ZNF277: variants seen among roughly 807,000 people sequenced by gnomAD.
ZNF277 encodes the protein zinc finger protein 277.
ZNF277 carries 55 observed loss-of-function variants against 60.7 expected under a neutral mutation model. The ratio of observed to expected loss-of-function variants is 0.91; its 90% confidence interval spans 0.73 to 1.13. ZNF277 has a LOEUF of 1.13. Among genes scored for constraint, ZNF277 ranks in the 50% most tolerant of loss-of-function variants. The probability of loss-of-function intolerance (pLI) is 0.00; values close to 1 mark genes in which losing one functional copy is unlikely to be tolerated. For synonymous variants in ZNF277, 178 were observed against 179.3 expected (o/e 0.99, Z 0.06); for missense variants, 510 against 523.0 (o/e 0.98, Z 0.24).
chr7:112,290,782 G>GTATT (rs1792188877), intron 2 of ZNF277, among the ~76,000 whole-genome samples: 1 of 152,038 alleles, frequency 6.6e-6, no homozygotes, highest in Admixed American at 6.6e-5. Flanking sequence ...AACAATCCAG[G>GTATT]TATTGATTGT....
At chr7:112,264,238 G>T (rs1406391667) in intron 1 of ZNF277, among the ~76,000 whole-genome samples, 1 of 151,776 alleles carries the variant, frequency 6.6e-6, no homozygotes, top group Admixed American at 6.6e-5. Flanking sequence ...AAAACCCGTT[G>T]CCCTGGCCTA....
At chr7:112,213,476 A>T (rs1821807078) in intron 1 of ZNF277, among the ~76,000 whole-genome samples, 1 of 152,182 alleles carries the variant, frequency 6.6e-6, no homozygotes, top group Admixed American at 6.5e-5. Context: ...ATTAAAAGGG[A>T]TATAATAATG....
intron 4 of ZNF277, among the ~76,000 whole-genome samples, chr7:112,300,547 C>G (rs1792450873): frequency 6.6e-6 from 1 of 152,158 alleles, no homozygotes; most frequent in South Asian, 2.1e-4. Flanking sequence ...TGTATAACTA[C>G]CACTATTAGG....
chr7:112,275,439 C>T (rs1325856718), intron 1 of ZNF277, among the ~76,000 whole-genome samples: 1 of 152,024 alleles, frequency 6.6e-6, no homozygotes, highest in African/African-American at 2.4e-5. Context: ...TAGTATGGTC[C>T]TTCATCCTTC....
intron 4 of ZNF277, among the ~76,000 whole-genome samples, chr7:112,296,930 T>A (rs868780141): frequency 0.063 from 5,551 of 88,542 alleles, 369 homozygotes; most frequent in East Asian, 0.17. Flanking sequence ...TTTTTTTTTT[T>A]TTTTTTTTTT....
chr7:112,282,411 TA>T (rs1479733931), intron 1 of ZNF277, among the ~76,000 whole-genome samples: 1 of 152,240 alleles, frequency 6.6e-6, no homozygotes, highest in African/African-American at 2.4e-5. Flanking sequence ...ATTTAAAATA[TA>T]ATTTATTATC....
chr7:112,332,457 A>G (rs1048136016), intron 7 of ZNF277, among the ~76,000 whole-genome samples: 1 of 152,146 alleles, frequency 6.6e-6, no homozygotes, highest in African/African-American at 2.4e-5. Flanking sequence ...AGACAAGACT[A>G]ATACCTACAT....
At chr7:112,322,115 GTT>G (rs1792997396) in intron 5 of ZNF277, among the ~76,000 whole-genome samples, 1 of 152,114 alleles carries the variant, frequency 6.6e-6, no homozygotes. Context: ...CTGTTTGTGT[GTT>G]TAGTGATTTT....
At chr7:112,323,388 G>T (rs1176420189) in intron 5 of ZNF277, among the ~76,000 whole-genome samples, 1 of 152,232 alleles carries the variant, frequency 6.6e-6, no homozygotes, top group Non-Finnish European at 1.5e-5. Flanking sequence ...TGCCCTAGGG[G>T]TGAGAATTTT....
At chr7:112,225,398 A>G (rs1822149771) in intron 1 of ZNF277, among the ~76,000 whole-genome samples, 1 of 152,156 alleles carries the variant, frequency 6.6e-6, no homozygotes, top group African/African-American at 2.4e-5. Context: ...AAGTAATAAT[A>G]CCCTTTCTTT....
chr7:112,315,179 C>T lies in ZNF277; in HGVS notation c.466-3003C>T, dbSNP rs557740725. Among the ~76,000 whole-genome samples, 102 of 152,172 alleles carry T rather than the reference C, an allele frequency of 6.7e-4. 1 individual carries two copies. Among genetic ancestry groups the T allele is most frequent in the South Asian group, 1.2e-3 (6 of 4,820 alleles). On this transcript the variant is annotated intron_variant, in intron 4 of 11. Transcript: ENST00000361822. The stretch of plus-strand genomic sequence containing the variant: ...TACCAGATGAAAATAACTCCCCCGA[C>T]GCTCATCTGAGGAAGATATTGGAAG...
chr7:112,232,068 T>C (rs1302113282), intron 1 of ZNF277, among the ~76,000 whole-genome samples: 1 of 84,598 alleles, frequency 1.2e-5, no homozygotes, highest in Admixed American at 1.3e-4. Flanking sequence ...TATATATATA[T>C]ATATATATAT....
chr7:112,237,400 A>G (rs1790825018), intron 1 of ZNF277, among the ~76,000 whole-genome samples: 1 of 152,160 alleles, frequency 6.6e-6, no homozygotes, highest in Admixed American at 6.5e-5. Context: ...ATTGAAACAA[A>G]CAAAAAAAAT....
At chr7:112,213,330 G>A (rs1356933973) in intron 1 of ZNF277, among the ~76,000 whole-genome samples, 1 of 152,184 alleles carries the variant, frequency 6.6e-6, no homozygotes, top group Non-Finnish European at 1.5e-5. Flanking sequence ...TCTCGGGTAT[G>A]TCTTTATCAG....
intron 7 of ZNF277, among the ~76,000 whole-genome samples, chr7:112,331,565 G>A (rs983175769): frequency 6.6e-6 from 1 of 152,286 alleles, no homozygotes; most frequent in Middle Eastern, 3.4e-3. Context: ...AATTTTGTCT[G>A]TTCTAACTAT....
At chr7:112,339,998 C>A in intron 10 of ZNF277, 113 bp downstream of exon 10, 1 of 928,412 alleles carries the variant, frequency 1.1e-6, no homozygotes, top group South Asian at 1.4e-5. Context: ...CAAAACATGT[C>A]TCTCTATAGA....
At chr7:112,301,938 G>C (rs1025126246) in intron 4 of ZNF277, among the ~76,000 whole-genome samples, 1 of 151,980 alleles carries the variant, frequency 6.6e-6, no homozygotes. Context: ...ATACAATATA[G>C]CTGAGGCAGA....
chr7:112,333,152 TA>T (rs80295805), intron 7 of ZNF277, among the ~76,000 whole-genome samples: 229 of 145,308 alleles, frequency 1.6e-3, no homozygotes, highest in South Asian at 1.5e-3. Context: ...ATACTTTATT[TA>T]AAAAAAAAAA....
At chr7:112,310,916 C>A (rs1792716924) in intron 4 of ZNF277, among the ~76,000 whole-genome samples, 1 of 152,094 alleles carries the variant, frequency 6.6e-6, no homozygotes, top group African/African-American at 2.4e-5. Context: ...TATTGTAAAT[C>A]TATTACTTGT....
Sources: allele counts gnomAD v4.1 joint callset (sites outside exome capture counted in the v4.1 genomes callset), GRCh38; gene constraint gnomAD v4.1.1; transcripts MANE v1.5; gene names NCBI Gene and HGNC (gene_info 2026-07-23, HGNC 2026-07-21).